The following NFAT5 variants were observed in gnomAD, a reference collection of about 807,000 sequenced individuals.
NFAT5 encodes nuclear factor of activated T-cells 5.
Under a neutral mutation model 166.5 loss-of-function variants are expected in NFAT5, and 31 were observed. The observed-to-expected ratio is 0.19, with a 90% CI of 0.14 to 0.25. The LOEUF is 0.25. Ranked by LOEUF, NFAT5 falls within the 10% of genes least tolerant of loss-of-function variation. The probability of loss-of-function intolerance (pLI) is 1.00; values close to 1 mark genes in which losing one functional copy is unlikely to be tolerated. For synonymous variants in NFAT5, 612 were observed against 639.7 expected (o/e 0.96, Z 0.65); for missense variants, 1,449 against 1,821.8 (o/e 0.80, Z 3.72).
At position 69,699,164 on chromosome 16, in the gene NFAT5, C is replaced by G. The variant is rs2151731931; in HGVS notation, c.*2813C>G. 1 of 153,198 alleles carries G rather than the reference C, an allele frequency of 6.5e-6. No homozygotes were observed. The highest frequency in any genetic ancestry group is 2.4e-5 in the African/African-American group (1 of 41,572). 9.5% of individuals were successfully genotyped at this position (153,198 alleles called of 1,614,324 possible). On this transcript the variant is annotated 3_prime_UTR_variant, in exon 15 of 15. Coordinates refer to ENST00000349945, the MANE Select transcript of NFAT5 (RefSeq NM_138713.4). ...AGATTACATAGGAGACTAAAGAAAT[C>G]TATCTGTTCAAGTTCTAATTAGGAT... is the stretch of plus-strand genomic sequence containing the variant.
chr16:69,700,499 A>G lies in NFAT5; in HGVS notation c.*4148A>G, dbSNP rs932066244. On this transcript the variant is annotated 3_prime_UTR_variant, in exon 15 of 15. Transcript: ENST00000349945. ...TGCATCAACAAATAATGACCAGGAC[A>G]AAACGATTTAATAATTAAAGTCTCA... 24 of 152,230 alleles carry G rather than the reference A, an allele frequency of 1.6e-4. No individual in the cohort carries two copies. Among genetic ancestry groups the G allele is most frequent in the African/African-American group, 5.5e-4 (23 of 41,458 alleles). 9.4% of individuals were successfully genotyped at this position (152,230 alleles called of 1,614,324 possible).
In NFAT5 at chr16:69,632,336, C is replaced by G. The variant is rs1597437884; in HGVS notation, c.253+5808C>G. 3.3e-5 allele frequency: 5 copies of G among 152,130 alleles called. No homozygotes were observed. The South Asian group carries it at 1.0e-3, about 32-fold the overall frequency. 9.4% of individuals were successfully genotyped at this position (152,130 alleles called of 1,614,324 possible). A position where few individuals can be genotyped will look rare whatever the true frequency, so the allele number is the denominator to read the frequency against. On this transcript the variant is annotated intron_variant, in intron 3 of 14. Transcript: ENST00000349945. ...TGTCATCATATCACAATCCTTCTAG[C>G]CATAAAGTATCTCTCTTTTTTCTTT...
intron 2 of NFAT5, among the ~76,000 whole-genome samples, chr16:69,608,762 C>T (rs2033552900): frequency 6.6e-6 from 1 of 150,660 alleles, no homozygotes; most frequent in African/African-American, 2.4e-5. Flanking sequence ...CTACAGGTGC[C>T]TGCCACCACG....
intron 2 of NFAT5, among the ~76,000 whole-genome samples, chr16:69,569,031 G>A (rs550199798): frequency 6.6e-6 from 1 of 152,290 alleles, no homozygotes; most frequent in Admixed American, 6.5e-5. Context: ...GGAAAGCCAA[G>A]TAATAGCGAT....
At chr16:69,674,712 G>A (rs1313576717) in intron 9 of NFAT5, among the ~76,000 whole-genome samples, 3 of 152,016 alleles carry the variant, frequency 2.0e-5, no homozygotes, top group Non-Finnish European at 2.9e-5. Context: ...AATTATGTAG[G>A]TATTCTGATT....
intron 2 of NFAT5, among the ~76,000 whole-genome samples, chr16:69,572,133 C>T (rs1040405729): frequency 1.3e-5 from 2 of 152,118 alleles, no homozygotes; most frequent in Admixed American, 6.6e-5. Flanking sequence ...TGCATTTAAC[C>T]TTCCTATCAA....
At chr16:69,673,188 A>G (rs1215318180) in intron 9 of NFAT5, among the ~76,000 whole-genome samples, 1 of 152,210 alleles carries the variant, frequency 6.6e-6, no homozygotes, top group Admixed American at 6.5e-5. Context: ...CTATATCTAG[A>G]GGTCCTGGGG....
Position 69,690,955 on chromosome 16 carries a change from G to T in NFAT5, c.1790G>T (p.Gly597Val), listed in dbSNP as rs991791605. 8 of 1,568,286 alleles carry T rather than the reference G, an allele frequency of 5.1e-6. No individual in the cohort carries two copies. Among genetic ancestry groups the T allele is most frequent in the South Asian group, 2.5e-5 (2 of 80,504 alleles). The change falls in exon 12 of 15, where the codon GGA (glycine) becomes GTA (valine). Residue 597 changes from glycine to valine, a missense_variant. Transcript: ENST00000349945. ...GTATATGCAGCAATGAAAACTACTG[G>T]ATGTAATTTAGATAAGGTAAATATT... is the stretch of plus-strand genomic sequence containing the variant. Reference protein sequence around the residue: ...EEAMKAMKTTGCNLDKVNIIP... With the variant: ...EEAMKAMKTTVCNLDKVNIIP...
chr16:69,661,405 T>C (rs1263956002), intron 7 of NFAT5, among the ~76,000 whole-genome samples: 1 of 147,896 alleles, frequency 6.8e-6, no homozygotes, highest in Non-Finnish European at 1.5e-5. Flanking sequence ...AAGCCAGGCA[T>C]GGTGGCATGT....
chr16:69,620,334 C>T (rs1363540005), intron 2 of NFAT5, among the ~76,000 whole-genome samples: 1 of 152,198 alleles, frequency 6.6e-6, no homozygotes, highest in Non-Finnish European at 1.5e-5. Flanking sequence ...TTAAGCAGTG[C>T]ACTTACCGTG....
At chr16:69,657,285 C>T (rs1043062770) in intron 6 of NFAT5, among the ~76,000 whole-genome samples, 4 of 151,612 alleles carry the variant, frequency 2.6e-5, no homozygotes, top group South Asian at 2.1e-4. Context: ...CGCCCACCAC[C>T]GTACCTGGCT....
intron 2 of NFAT5, among the ~76,000 whole-genome samples, chr16:69,589,112 A>G (rs1288311377): frequency 6.8e-6 from 1 of 147,648 alleles, no homozygotes; most frequent in African/African-American, 2.5e-5. Context: ...CTCCTGCCTC[A>G]GCCTCCCGAG....
Position 69,698,191 on chromosome 16 carries a change from A to G in NFAT5, c.*1840A>G, listed in dbSNP as rs2037824110. The G allele has an allele frequency of 6.6e-6, 1 of 152,262 alleles. No individual in the cohort carries two copies. Among genetic ancestry groups the G allele is most frequent in the Non-Finnish European group, 1.5e-5 (1 of 67,988 alleles). 9.4% of individuals were successfully genotyped at this position (152,262 alleles called of 1,614,324 possible). ...TTTCAGTAGTACAGGCTTCTTGCCG[A>G]TATGAAGGGAACTTTTCAGAAAGAG... is the stretch of plus-strand genomic sequence containing the variant. On this transcript the variant is annotated 3_prime_UTR_variant, in exon 15 of 15. Coordinates refer to ENST00000349945, the MANE Select transcript of NFAT5 (RefSeq NM_138713.4).
intron 2 of NFAT5, among the ~76,000 whole-genome samples, chr16:69,605,304 G>A (rs1472012557): frequency 2.6e-5 from 4 of 152,112 alleles, no homozygotes; most frequent in African/African-American, 7.2e-5. Context: ...GCCAGGCATG[G>A]TGGTGGGCGC....
intron 3 of NFAT5, among the ~76,000 whole-genome samples, chr16:69,627,742 G>A (rs900928592): frequency 6.6e-6 from 1 of 152,120 alleles, no homozygotes; most frequent in Admixed American, 6.6e-5. Flanking sequence ...CTTTCTAACA[G>A]TTTCTGTGGA....
At chr16:69,628,860 G>T (rs897739467) in intron 3 of NFAT5, among the ~76,000 whole-genome samples, 11 of 152,182 alleles carry the variant, frequency 7.2e-5, no homozygotes, top group Non-Finnish European at 1.5e-4. Flanking sequence ...ATCACCTGAG[G>T]TCAGGAGTTC....
intron 3 of NFAT5, among the ~76,000 whole-genome samples, chr16:69,627,967 T>A (rs2034541320): frequency 6.6e-6 from 1 of 152,156 alleles, no homozygotes; most frequent in African/African-American, 2.4e-5. Context: ...AGAAATTGAC[T>A]AACTGATTTC....
intron 2 of NFAT5, among the ~76,000 whole-genome samples, chr16:69,583,465 T>C (rs1196818913): frequency 6.6e-6 from 1 of 152,168 alleles, no homozygotes; most frequent in Non-Finnish European, 1.5e-5. Context: ...TCCTCCCATC[T>C]CATTCTTCCA....
chr16:69,613,689 C>T (rs945170214), intron 2 of NFAT5, among the ~76,000 whole-genome samples: 1 of 152,192 alleles, frequency 6.6e-6, no homozygotes, highest in Non-Finnish European at 1.5e-5. Flanking sequence ...TCAGATCCTC[C>T]ACAGATAACA....
Sources: gnomAD v4.1 joint callset for allele counts (sites outside exome capture counted in the v4.1 genomes callset) on GRCh38, gnomAD v4.1.1 for gene constraint, MANE v1.5 for transcripts, NCBI Gene and HGNC (gene_info 2026-07-23, HGNC 2026-07-21) for gene names.